Variants in CSMD1 observed in about 807,000 individuals in gnomAD.
CSMD1 encodes CUB and Sushi multiple domains 1, also known as CUB and sushi domain-containing protein 1.
In CSMD1, 213 loss-of-function variants were observed where a neutral mutation model predicts 417.5. The ratio of observed to expected loss-of-function variants is 0.51; its 90% CI spans 0.46 to 0.57. The LOEUF (loss-of-function observed/expected upper bound fraction) is 0.57. Ranked by LOEUF, CSMD1 falls within the 20% of genes least tolerant of loss-of-function variation. The pLI, the probability that CSMD1 is intolerant of heterozygous loss-of-function variation, is 0.00. For synonymous variants in CSMD1, 2,862 were observed against 1,736.8 expected, an observed-to-expected ratio of 1.65 and a Z score of -16.11; for missense variants, 6,923 against 4,529.7, an observed-to-expected ratio of 1.53 and a Z score of -15.17.
At chr8:3,364,825 A>G (rs185058507) in intron 20 of CSMD1, among the ~76,000 whole-genome samples, 1 of 152,332 alleles carries the variant, frequency 6.6e-6, no homozygotes, top group African/African-American at 2.4e-5. Flanking sequence ...TTTATAAATT[A>G]TCTAGTCTCA....
chr8:3,931,862 G>A (rs1309324019), intron 5 of CSMD1, among the ~76,000 whole-genome samples: 1 of 147,060 alleles, frequency 6.8e-6, no homozygotes, highest in African/African-American at 2.5e-5. Context: ...GTTGCAAAGG[G>A]AGAAGTGATT....
At chr8:3,492,243 A>G (rs1818425180) in intron 11 of CSMD1, among the ~76,000 whole-genome samples, 1 of 152,166 alleles carries the variant, frequency 6.6e-6, no homozygotes, top group South Asian at 2.1e-4. Flanking sequence ...AACCAGTGGC[A>G]TGCCGCTGAG....
intron 3 of CSMD1, among the ~76,000 whole-genome samples, chr8:4,042,815 T>TAAAACAAAAAAAAA (rs1797959428): frequency 2.4e-5 from 1 of 41,312 alleles, no homozygotes; most frequent in Non-Finnish European, 4.3e-5. Flanking sequence ...TACAACATAT[T>TAAAACAAAAAAAAA]AAAAAAAAAA....
At chr8:3,632,481 A>G (rs1176912356) in intron 7 of CSMD1, among the ~76,000 whole-genome samples, 2 of 152,192 alleles carry the variant, frequency 1.3e-5, no homozygotes, top group Non-Finnish European at 1.5e-5. Flanking sequence ...TCTCATTAAC[A>G]TGTCATGATA....
intron 51 of CSMD1, among the ~76,000 whole-genome samples, chr8:3,022,626 G>A (rs1299743744): frequency 6.6e-6 from 1 of 151,218 alleles, no homozygotes; most frequent in Non-Finnish European, 1.5e-5. Flanking sequence ...TTACTTGTGA[G>A]TGTGACAAAT....
chr8:4,521,360 C>T (rs1284646195), intron 2 of CSMD1, among the ~76,000 whole-genome samples: 10 of 151,884 alleles, frequency 6.6e-5, no homozygotes, highest in Admixed American at 2.0e-4. Context: ...AACCTTTAAG[C>T]AGGGCTAAAA....
chr8:3,579,585 A>G (rs968743655), intron 9 of CSMD1, among the ~76,000 whole-genome samples: 1 of 152,166 alleles, frequency 6.6e-6, no homozygotes, highest in African/African-American at 2.4e-5. Context: ...TTTTACGTCC[A>G]GATTGTGAAC....
chr8:4,530,937 C>G (rs1044180323), intron 2 of CSMD1, among the ~76,000 whole-genome samples: 2 of 151,962 alleles, frequency 1.3e-5, no homozygotes, highest in Non-Finnish European at 2.9e-5. Context: ...TGCATGCACA[C>G]AAAAAGACAG....
chr8:4,575,021 A>C (rs976195056), intron 2 of CSMD1, among the ~76,000 whole-genome samples: 5 of 152,200 alleles, frequency 3.3e-5, no homozygotes, highest in African/African-American at 1.2e-4. Flanking sequence ...TAAAAGGAGA[A>C]AGGGCCCCTG....
chr8:3,830,821 G>C (rs575793080), intron 5 of CSMD1, among the ~76,000 whole-genome samples: 1 of 152,160 alleles, frequency 6.6e-6, no homozygotes, highest in African/African-American at 2.4e-5. Context: ...ATAATTAGGA[G>C]TTATTAAGCT....
At chr8:3,628,261 A>G (rs1402586773) in intron 7 of CSMD1, among the ~76,000 whole-genome samples, 9 of 152,088 alleles carry the variant, frequency 5.9e-5, no homozygotes, top group Admixed American at 5.2e-4. Context: ...TTCTTTCTTT[A>G]AAGAGAAAAA....
At chr8:4,558,611 A>C (rs1798195566) in intron 2 of CSMD1, among the ~76,000 whole-genome samples, 1 of 152,178 alleles carries the variant, frequency 6.6e-6, no homozygotes, top group Non-Finnish European at 1.5e-5. Flanking sequence ...TCACACCTGT[A>C]ATCCCAGCAC....
intron 5 of CSMD1, among the ~76,000 whole-genome samples, chr8:3,950,258 T>A (rs1052977607): frequency 6.6e-6 from 1 of 152,180 alleles, no homozygotes; most frequent in Non-Finnish European, 1.5e-5. Context: ...AATTAGTAGT[T>A]TGATACTTAA....
intron 10 of CSMD1, among the ~76,000 whole-genome samples, chr8:3,556,696 T>G (rs150399150): frequency 0.018 from 2,761 of 152,092 alleles, 28 homozygotes; most frequent in Non-Finnish European, 0.026. Flanking sequence ...TAAGCACCTT[T>G]AAATGAAAAG....
At chr8:3,502,350 C>A (rs1428132003) in intron 10 of CSMD1, among the ~76,000 whole-genome samples, 9 of 127,690 alleles carry the variant, frequency 7.0e-5, no homozygotes, top group Non-Finnish European at 4.7e-5. Flanking sequence ...GGGGGACAGA[C>A]CGAGACTTCA....
chr8:4,871,912 C>A (rs551510215), intron 1 of CSMD1, among the ~76,000 whole-genome samples: 17 of 152,080 alleles, frequency 1.1e-4, no homozygotes, highest in Non-Finnish European at 2.2e-4. Flanking sequence ...ATTCTGTACT[C>A]TGTCTCTGGT....
At chr8:3,281,777 T>C (rs13270081) in intron 26 of CSMD1, among the ~76,000 whole-genome samples, 29,294 of 152,060 alleles carry the variant, frequency 0.19, 2,918 homozygotes, top group South Asian at 0.27. Flanking sequence ...CTCATTGATA[T>C]GGTTTGGATC....
chr8:3,459,254 C>G (rs1295515639), intron 12 of CSMD1, among the ~76,000 whole-genome samples: 1 of 152,196 alleles, frequency 6.6e-6, no homozygotes, highest in Non-Finnish European at 1.5e-5. Flanking sequence ...AAGAGGCTGA[C>G]TCATGGACCA....
intron 5 of CSMD1, among the ~76,000 whole-genome samples, chr8:3,897,164 A>G (rs1001606621): frequency 2.0e-5 from 3 of 152,240 alleles, no homozygotes; most frequent in African/African-American, 7.2e-5. Flanking sequence ...CTGAATTTCA[A>G]CGAGACAAGG....
Sources: gnomAD v4.1 joint callset for allele counts (sites outside exome capture counted in the v4.1 genomes callset) on GRCh38, gnomAD v4.1.1 for gene constraint, MANE v1.5 for transcripts, NCBI Gene and HGNC (gene_info 2026-07-23, HGNC 2026-07-21) for gene names.